Variants in CNST observed in about 807,000 individuals in gnomAD.
The protein encoded by CNST is consortin, connexin sorting protein.
CNST carries 39 observed loss-of-function variants against 72.4 expected under a neutral mutation model. That is an observed-to-expected ratio of 0.54 (90% CI 0.42 to 0.70). The LOEUF (loss-of-function observed/expected upper bound fraction) is 0.70. Ranked by LOEUF, CNST falls within the 30% of genes least tolerant of loss-of-function variation. The pLI, the probability that CNST is intolerant of heterozygous loss-of-function variation, is 0.00. For synonymous variants in CNST, 332 were observed against 320.1 expected (o/e 1.04, Z -0.40); for missense variants, 871 against 868.5 (o/e 1.00, Z -0.04).
At position 246,647,224 on chromosome 1, in the gene CNST, G is replaced by A; in HGVS notation, c.1023G>A (p.Gln341=). 1 of 1,614,202 alleles carries A rather than the reference G, an allele frequency of 6.2e-7. No homozygotes were observed. Among genetic ancestry groups the A allele is most frequent in the Non-Finnish European group, 8.5e-7 (1 of 1,180,032 alleles). The change falls in exon 9 of 11, where the codon CAG becomes CAA. Residue 341 remains glutamine, a synonymous_variant. Transcript: ENST00000366513. ...EPLGSSPCCH[Q]MDVQTDSPSL... The stretch of plus-strand genomic sequence containing the variant: ...TGGGGAGCAGTCCCTGCTGTCATCA[G>A]ATGGACGTGCAAACAGATTCCCCAA...
chr1:246,637,238 C>G (rs1665335346), intron 6 of CNST, among the ~76,000 whole-genome samples: 1 of 152,156 alleles, frequency 6.6e-6, no homozygotes, highest in African/African-American at 2.4e-5. Context: ...CTTGGACTCT[C>G]ATGCTGTTAG....
intron 9 of CNST, among the ~76,000 whole-genome samples, chr1:246,653,003 C>CAA (rs201486368): frequency 2.0e-5 from 2 of 101,578 alleles, no homozygotes; most frequent in Admixed American, 2.1e-4. Flanking sequence ...GACTCTGTCT[C>CAA]AAAAAAAAAA....
intron 6 of CNST, among the ~76,000 whole-genome samples, chr1:246,634,957 G>GGCCGGGGTGCA (rs1572212451): frequency 2.3e-5 from 1 of 43,308 alleles, no homozygotes; most frequent in Non-Finnish European, 5.5e-5. Context: ...TCGGTGGTGC[G>GGCCGGGGTGCA]TGTCTTCCGG....
intron 8 of CNST, among the ~76,000 whole-genome samples, chr1:246,645,585 G>A (rs13376330): frequency 0.28 from 42,272 of 151,364 alleles, 6,625 homozygotes; most frequent in East Asian, 0.67. Context: ...CCGCCACCGC[G>A]CCCGGCTAAT....
chr1:246,659,327 G>C (rs1310491893), intron 9 of CNST, among the ~76,000 whole-genome samples: 1 of 152,204 alleles, frequency 6.6e-6, no homozygotes, highest in Non-Finnish European at 1.5e-5. Context: ...GGGTGCGGTG[G>C]CTCACACCTG....
In CNST at chr1:246,647,273, G is replaced by C. The variant is rs1396936818; in HGVS notation, c.1072G>C (p.Asp358His). Residue 358 changes from aspartate to histidine, a missense_variant, in exon 9 of 11, where the codon GAC becomes CAC. Coordinates refer to ENST00000366513, the MANE Select transcript of CNST (RefSeq NM_152609.3). Reference sequence around the variant, plus strand: ...AAGCCTTTCGGTAACTGCAGGAAAGGACCACATGGAGGAGCTGCTCTGCAG... The same window carrying C: ...AAGCCTTTCGGTAACTGCAGGAAAGCACCACATGGAGGAGCTGCTCTGCAG... ...SPSLSVTAGKDHMEELLCSAE... is the reference protein window; with the variant it reads ...SPSLSVTAGKHHMEELLCSAE... 5.6e-6 allele frequency: 9 copies of C among 1,614,034 alleles called. No individual in the cohort carries two copies. The highest frequency in any genetic ancestry group is 6.8e-6 in the Non-Finnish European group (8 of 1,180,038).
At chr1:246,656,207 T>TA (rs1666759774) in intron 9 of CNST, among the ~76,000 whole-genome samples, 1 of 150,656 alleles carries the variant, frequency 6.6e-6, no homozygotes, top group Non-Finnish European at 1.5e-5. Context: ...TTTTCTTCTT[T>TA]AATTTTGTGA....
rs935397683 is a variant in CNST, at chr1:246,634,455, CAA to C, written c.704-16_704-15del. On this transcript the variant is annotated splice_polypyrimidine_tract_variant and intron_variant, in intron 5 of 10. Transcript: ENST00000366513. ...ATGTTTTATAAGAGCCAGTGACTAA[CAA>C]ATACTTTAAATTTAGAAACAAAATG... 1.3e-6 allele frequency: 2 copies of C among 1,485,780 alleles called. No homozygotes were observed. Among genetic ancestry groups the C allele is most frequent in the African/African-American group, 2.8e-5 (2 of 70,678 alleles). The allele number at this position is 1,485,780 out of a possible 1,614,324, so 92.0% of individuals were successfully genotyped here. A position where few individuals can be genotyped will look rare whatever the true frequency, so the allele number is the denominator to read the frequency against.
At chr1:246,600,667 G>A (rs1253451773) in intron 2 of CNST, among the ~76,000 whole-genome samples, 2 of 152,192 alleles carry the variant, frequency 1.3e-5, no homozygotes, top group East Asian at 1.9e-4. Context: ...GATTTATTGA[G>A]CATAGGAATA....
intron 3 of CNST, among the ~76,000 whole-genome samples, chr1:246,630,249 A>G (rs1316099698): frequency 6.6e-6 from 1 of 152,178 alleles, no homozygotes; most frequent in East Asian, 1.9e-4. Flanking sequence ...ATATTAGCAC[A>G]CTGCTGGTTA....
At chr1:246,659,167 G>A (rs948115224) in intron 9 of CNST, among the ~76,000 whole-genome samples, 11 of 152,184 alleles carry the variant, frequency 7.2e-5, no homozygotes, top group African/African-American at 2.7e-4. Flanking sequence ...TGCCATTGTA[G>A]CCCAGAAGCA....
intron 1 of CNST, among the ~76,000 whole-genome samples, chr1:246,573,540 C>T (rs759539159): frequency 2.6e-5 from 4 of 152,140 alleles, no homozygotes; most frequent in South Asian, 2.1e-4. Flanking sequence ...CTGATGCCTG[C>T]GGGCTTTTTA....
intron 3 of CNST, 94 bp from the exon 4 acceptor site, chr1:246,631,800 A>G (rs914850489): frequency 1.2e-6 from 1 of 839,090 alleles, no homozygotes; most frequent in Non-Finnish European, 2.0e-6. Context: ...GATATCAAAA[A>G]CATTTGGAAT....
At chr1:246,595,084 T>A (rs1661790366) in intron 2 of CNST, among the ~76,000 whole-genome samples, 1 of 152,210 alleles carries the variant, frequency 6.6e-6, no homozygotes, top group Non-Finnish European at 1.5e-5. Context: ...AGGATACTCC[T>A]GTCTGCCCGG....
intron 3 of CNST, among the ~76,000 whole-genome samples, chr1:246,629,259 C>T (rs532917737): frequency 6.6e-6 from 1 of 152,138 alleles, no homozygotes; most frequent in Non-Finnish European, 1.5e-5. Context: ...TCTTTCTGCT[C>T]TACTGGGCTA....
chr1:246,577,675 G>C (rs1660516094), intron 1 of CNST, among the ~76,000 whole-genome samples: 1 of 152,078 alleles, frequency 6.6e-6, no homozygotes, highest in Non-Finnish European at 1.5e-5. Flanking sequence ...GAGAAACCTA[G>C]TCAAGAATGT....
At chr1:246,592,151 A>G (rs1266615196) in intron 2 of CNST, among the ~76,000 whole-genome samples, 2 of 152,130 alleles carry the variant, frequency 1.3e-5, no homozygotes, top group Non-Finnish European at 2.9e-5. Context: ...AACACAATTT[A>G]TTTAATCACT....
chr1:246,659,658 T>C (rs1281225728), intron 9 of CNST, among the ~76,000 whole-genome samples: 2 of 152,050 alleles, frequency 1.3e-5, no homozygotes, highest in African/African-American at 2.4e-5. Flanking sequence ...CCTTAAAATA[T>C]TGTGAGCAGT....
intron 9 of CNST, 116 bp from the exon 10 acceptor site, chr1:246,660,083 A>C: frequency 9.2e-6 from 7 of 759,402 alleles, no homozygotes; most frequent in South Asian, 2.1e-5. Flanking sequence ...TTTCTATAGG[A>C]ATTGGATACC....
Sources: allele counts gnomAD v4.1 joint callset (sites outside exome capture counted in the v4.1 genomes callset), GRCh38; gene constraint gnomAD v4.1.1; transcripts MANE v1.5; gene names NCBI Gene and HGNC (gene_info 2026-07-23, HGNC 2026-07-21).